Variants in SEM1 observed in about 807,000 individuals in gnomAD.
The protein encoded by SEM1 is 26S proteasome complex subunit SEM1.
SEM1 carries 3 observed loss-of-function variants against 12.7 expected under a neutral mutation model. The ratio of observed to expected loss-of-function variants is 0.24; its 90% confidence interval spans 0.11 to 0.61. The LOEUF (loss-of-function observed/expected upper bound fraction) is 0.61. SEM1 is among the 20% of genes least tolerant of loss of function. The pLI is 0.88. For missense variants in SEM1, 59 were observed against 81.3 expected (o/e 0.73, Z 1.06); for synonymous variants, 30 against 27.8 (o/e 1.08, Z -0.25).
downstream of SEM1, among the ~76,000 whole-genome samples, chr7:96,671,922 C>T (rs577272123): frequency 2.0e-5 from 3 of 152,270 alleles, no homozygotes; most frequent in Admixed American, 2.0e-4. Context: ...ACATAATGCC[C>T]ATATCGGGAT....
chr7:96,636,141 G>A (rs1808418227), intron 2 of SEM1, among the ~76,000 whole-genome samples: 1 of 151,934 alleles, frequency 6.6e-6, no homozygotes, highest in African/African-American at 2.4e-5. Flanking sequence ...TATTGGCTTT[G>A]CATCAGGTTC....
intron 2 of SEM1, among the ~76,000 whole-genome samples, chr7:96,574,537 T>C (rs1056244374): frequency 6.6e-6 from 1 of 152,226 alleles, no homozygotes; most frequent in Non-Finnish European, 1.5e-5. Flanking sequence ...GTTGAACTAG[T>C]TTACAGTCCC....
intron 2 of SEM1, among the ~76,000 whole-genome samples, chr7:96,612,730 G>A (rs1254933818): frequency 1.3e-5 from 2 of 152,044 alleles, no homozygotes; most frequent in African/African-American, 4.8e-5. Flanking sequence ...CTGCCTCCTG[G>A]GTTCACGCCA....
At chr7:96,593,824 T>G (rs925976835) in intron 2 of SEM1, among the ~76,000 whole-genome samples, 1 of 152,176 alleles carries the variant, frequency 6.6e-6, no homozygotes, top group Non-Finnish European at 1.5e-5. Context: ...TTTCAAATCT[T>G]TCAATTCTAC....
At chr7:96,645,778 G>A in intron 2 of SEM1, 1 of 398,410 alleles carries the variant, frequency 2.5e-6, no homozygotes, top group East Asian at 3.6e-5. Flanking sequence ...GGATGGATTA[G>A]AGGCAGTTGA....
intron 1 of SEM1, among the ~76,000 whole-genome samples, chr7:96,700,805 C>T (rs1364622414): frequency 6.6e-6 from 1 of 152,154 alleles, no homozygotes; most frequent in African/African-American, 2.4e-5. Context: ...TCCTGGTTCA[C>T]ACCTCTCACT....
chr7:96,568,337 A>G (rs1805914875), intron 2 of SEM1, among the ~76,000 whole-genome samples: 2 of 151,724 alleles, frequency 1.3e-5, no homozygotes, highest in African/African-American at 4.8e-5. Context: ...CATTTTAAAT[A>G]TTTTCGCTTT....
At chr7:96,682,588 G>T (rs1038176406) in intron 2 of SEM1, among the ~76,000 whole-genome samples, 3 of 151,768 alleles carry the variant, frequency 2.0e-5, no homozygotes, top group Non-Finnish European at 2.9e-5. Context: ...AAACCTAGGC[G>T]ATAACATTCA....
At chr7:96,536,964 A>C (rs192786829) in intron 2 of SEM1, among the ~76,000 whole-genome samples, 1 of 151,638 alleles carries the variant, frequency 6.6e-6, no homozygotes, top group Non-Finnish European at 1.5e-5. Context: ...AGACTTTCCT[A>C]TTTATTTCAT....
chr7:96,584,099 C>G (rs1223547978), intron 2 of SEM1, among the ~76,000 whole-genome samples: 2 of 152,138 alleles, frequency 1.3e-5, no homozygotes, highest in African/African-American at 4.8e-5. Context: ...TTTGCAGTGG[C>G]TGGTACCAGT....
chr7:96,675,880 C>A (rs1789440235), intron 2 of SEM1, among the ~76,000 whole-genome samples: 1 of 152,182 alleles, frequency 6.6e-6, no homozygotes, highest in African/African-American at 2.4e-5. Context: ...CCAGAGATGT[C>A]CTAGCTTCAG....
chr7:96,625,114 A>AT (rs1310392709), intron 2 of SEM1, among the ~76,000 whole-genome samples: 1 of 152,090 alleles, frequency 6.6e-6, no homozygotes, highest in African/African-American at 2.4e-5. Flanking sequence ...CTCAGGTGTG[A>AT]TTTTGCCATT....
chr7:96,704,803 T>A (rs1790395623), intron 1 of SEM1, among the ~76,000 whole-genome samples: 1 of 152,218 alleles, frequency 6.6e-6, no homozygotes, highest in Non-Finnish European at 1.5e-5. Flanking sequence ...ACTGGTCACA[T>A]CTATCTTCTA....
At chr7:96,644,902 C>A (rs2116409634) in intron 2 of SEM1, among the ~76,000 whole-genome samples, 1 of 152,274 alleles carries the variant, frequency 6.6e-6, no homozygotes, top group South Asian at 2.1e-4. Context: ...ACCTGCTTCA[C>A]ACCAGTCAGA....
At chr7:96,521,254 T>C (rs1804259675) in intron 2 of SEM1, among the ~76,000 whole-genome samples, 2 of 152,086 alleles carry the variant, frequency 1.3e-5, no homozygotes, top group Non-Finnish European at 1.5e-5. Context: ...GGAGCAGACA[T>C]GTGGTGTGTG....
intron 1 of SEM1, among the ~76,000 whole-genome samples, chr7:96,496,041 C>T (rs981942557): frequency 3.3e-5 from 5 of 152,120 alleles, no homozygotes; most frequent in Admixed American, 2.6e-4. Flanking sequence ...AGACAGCCTT[C>T]GAGATGCTGG....
intron 2 of SEM1, among the ~76,000 whole-genome samples, chr7:96,648,303 A>G (rs916780286): frequency 2.0e-5 from 3 of 152,194 alleles, no homozygotes; most frequent in African/African-American, 7.2e-5. Context: ...ATAGAAAGAA[A>G]AGGAGGAAAA....
chr7:96,593,443 T>G (rs1806895912), intron 2 of SEM1, among the ~76,000 whole-genome samples: 1 of 152,186 alleles, frequency 6.6e-6, no homozygotes, highest in African/African-American at 2.4e-5. Flanking sequence ...CATAAAACAT[T>G]TCTCTTACAG....
At chr7:96,701,139 G>A (rs1353315097) in intron 1 of SEM1, among the ~76,000 whole-genome samples, 1 of 151,916 alleles carries the variant, frequency 6.6e-6, no homozygotes, top group East Asian at 1.9e-4. Context: ...TACATTAGAG[G>A]GGAGAGAAAA....
Sources: gnomAD v4.1 joint callset for allele counts (sites outside exome capture counted in the v4.1 genomes callset) on GRCh38, gnomAD v4.1.1 for gene constraint, MANE v1.5 for transcripts, NCBI Gene and HGNC (gene_info 2026-07-23, HGNC 2026-07-21) for gene names.